The following EYA4 variants were observed in gnomAD, a reference collection of about 807,000 sequenced individuals.
EYA4 encodes the protein protein phosphatase EYA4.
Under a neutral mutation model 87.9 loss-of-function variants are expected in EYA4, and 31 were observed. That is an observed-to-expected ratio of 0.35 (90% confidence interval 0.27 to 0.48). The LOEUF is 0.48. Ranked by LOEUF, EYA4 falls within the 20% of genes least tolerant of loss-of-function variation. The pLI is 0.99. For synonymous variants in EYA4, 263 were observed against 270.6 expected (o/e 0.97, Z 0.28); for missense variants, 678 against 761.4 (o/e 0.89, Z 1.29).
chr6:133,338,806 C>T (rs909888139), intron 2 of EYA4, among the ~76,000 whole-genome samples: 2 of 151,706 alleles, frequency 1.3e-5, no homozygotes, highest in Admixed American at 6.6e-5. Context: ...TACATGGATG[C>T]ACATACACAT....
intron 3 of EYA4, among the ~76,000 whole-genome samples, chr6:133,442,336 G>A (rs1452543817): frequency 6.6e-6 from 1 of 152,168 alleles, no homozygotes; most frequent in Non-Finnish European, 1.5e-5. Context: ...GTGAGGATCT[G>A]TTCACTGAGA....
chr6:133,456,689 G>T lies in EYA4; in HGVS notation c.370+41G>T, dbSNP rs757542312. ...CGTGTGTCCTTACGTACACATGGGG[G>T]TGCATCCACATCCTCCTCCTCGGGA... On this transcript the variant is annotated intron_variant, in intron 6 of 19. Coordinates refer to ENST00000355286, the MANE Select transcript of EYA4 (RefSeq NM_004100.5). The T allele has an allele frequency of 5.9e-6, 7 of 1,189,884 alleles. No homozygotes were observed. The East Asian group carries it at 1.4e-4, about 24-fold the overall frequency. 73.7% of individuals were successfully genotyped at this position (1,189,884 alleles called of 1,614,324 possible).
intron 2 of EYA4, among the ~76,000 whole-genome samples, chr6:133,348,717 T>G (rs1406785991): frequency 6.6e-6 from 1 of 152,174 alleles, no homozygotes; most frequent in Admixed American, 6.5e-5. Context: ...TCCTGTTGGC[T>G]CTACCCTTAA....
Position 133,274,827 on chromosome 6 carries a change from C to A in EYA4, c.33+14C>A. ...AATGAACAATCAGTAAGTCTTCATTCTCAGTTTTGCTGAAAAAAGTTGCGA... is the reference window on the plus strand; with the variant it reads ...AATGAACAATCAGTAAGTCTTCATTATCAGTTTTGCTGAAAAAAGTTGCGA... On this transcript the variant is annotated intron_variant, in intron 2 of 19. Transcript: ENST00000355286. The A allele has an allele frequency of 6.2e-7, 1 of 1,611,738 alleles. No homozygotes were observed. The highest frequency in any genetic ancestry group is 8.5e-7 in the Non-Finnish European group (1 of 1,178,048).
intron 2 of EYA4, among the ~76,000 whole-genome samples, chr6:133,369,659 A>G (rs1407083261): frequency 6.6e-6 from 1 of 152,218 alleles, no homozygotes; most frequent in Non-Finnish European, 1.5e-5. Flanking sequence ...AAATGTTGGT[A>G]GGGAACTTTA....
intron 1 of EYA4, among the ~76,000 whole-genome samples, chr6:133,257,938 T>A (rs1775474513): frequency 6.6e-6 from 1 of 152,246 alleles, no homozygotes; most frequent in African/African-American, 2.4e-5. Context: ...GAATCGGTGT[T>A]TTTGTATGAT....
chr6:133,242,141 G>T (rs977778132), intron 1 of EYA4, among the ~76,000 whole-genome samples: 3 of 152,210 alleles, frequency 2.0e-5, no homozygotes, highest in Non-Finnish European at 4.4e-5. Flanking sequence ...CGAGCATCGG[G>T]GTCTCCCCCA....
chr6:133,417,383 A>T (rs1014590764), intron 3 of EYA4, among the ~76,000 whole-genome samples: 6 of 152,176 alleles, frequency 3.9e-5, no homozygotes, highest in Admixed American at 3.9e-4. Context: ...GTTAGGAAGG[A>T]AGATTGAAGT....
chr6:133,336,489 G>A (rs987251392), intron 2 of EYA4, among the ~76,000 whole-genome samples: 4 of 152,152 alleles, frequency 2.6e-5, no homozygotes, highest in Non-Finnish European at 5.9e-5. Flanking sequence ...TGTAAGAAAT[G>A]GAGGATGAAT....
At chr6:133,401,013 C>T (rs1397212748) in intron 3 of EYA4, among the ~76,000 whole-genome samples, 4 of 151,980 alleles carry the variant, frequency 2.6e-5, no homozygotes, top group Non-Finnish European at 2.9e-5. Flanking sequence ...GTGAATGAAT[C>T]GGTAAAGAAA....
At chr6:133,347,395 C>T (rs1451596758) in intron 2 of EYA4, among the ~76,000 whole-genome samples, 1 of 151,944 alleles carries the variant, frequency 6.6e-6, no homozygotes, top group Non-Finnish European at 1.5e-5. Context: ...GCATTTAACT[C>T]TTCTTTTTCT....
chr6:133,369,536 A>C (rs1785108610), intron 2 of EYA4, among the ~76,000 whole-genome samples: 1 of 152,172 alleles, frequency 6.6e-6, no homozygotes, highest in Non-Finnish European at 1.5e-5. Flanking sequence ...GTTGACATAC[A>C]TGTGTACCTA....
At chr6:133,500,328 A>G (rs1269483836) in intron 13 of EYA4, among the ~76,000 whole-genome samples, 1 of 151,938 alleles carries the variant, frequency 6.6e-6, no homozygotes, top group Non-Finnish European at 1.5e-5. Context: ...CTTATATGTC[A>G]TCCTCCCAGC....
intron 1 of EYA4, among the ~76,000 whole-genome samples, chr6:133,259,431 G>C (rs984026602): frequency 6.6e-6 from 1 of 152,110 alleles, no homozygotes; most frequent in East Asian, 1.9e-4. Context: ...AAGGTCTTTG[G>C]ATTTTTAGAA....
At chr6:133,510,540 C>A in intron 14 of EYA4, 1 of 254,470 alleles carries the variant, frequency 3.9e-6, no homozygotes, top group Non-Finnish European at 8.0e-6. Flanking sequence ...TCCTTAAAGC[C>A]CAGTCCAGCA....
At chr6:133,454,383 G>T (rs746816779) in intron 5 of EYA4, among the ~76,000 whole-genome samples, 2 of 152,170 alleles carry the variant, frequency 1.3e-5, no homozygotes, top group Non-Finnish European at 2.9e-5. Context: ...ATTATACTCT[G>T]CATTATCTTC....
At chr6:133,314,688 GA>G (rs1481400507) in intron 2 of EYA4, among the ~76,000 whole-genome samples, 2 of 152,100 alleles carry the variant, frequency 1.3e-5, no homozygotes, top group Non-Finnish European at 2.9e-5. Flanking sequence ...GGTTAACATA[GA>G]AATGTTACAA....
intron 2 of EYA4, among the ~76,000 whole-genome samples, chr6:133,356,801 A>T (rs191029710): frequency 0.022 from 3,115 of 142,350 alleles, 117 homozygotes; most frequent in African/African-American, 0.076. Context: ...GTATATATAT[A>T]TTTTATTTTT....
chr6:133,271,885 T>A (rs1776720705), intron 1 of EYA4, among the ~76,000 whole-genome samples: 1 of 152,216 alleles, frequency 6.6e-6, no homozygotes, highest in Admixed American at 6.5e-5. Flanking sequence ...TTGTGAGCAC[T>A]CATATGGAAT....
Sources: allele counts gnomAD v4.1 joint callset (sites outside exome capture counted in the v4.1 genomes callset), GRCh38; gene constraint gnomAD v4.1.1; transcripts MANE v1.5; gene names NCBI Gene and HGNC (gene_info 2026-07-23, HGNC 2026-07-21).